ARHGAP15: variants seen among roughly 807,000 people sequenced by gnomAD.
ARHGAP15 encodes the protein rho GTPase-activating protein 15.
Under a neutral mutation model 63.7 loss-of-function variants are expected in ARHGAP15, and 51 were observed. The observed-to-expected ratio is 0.80, with a 90% confidence interval of 0.64 to 1.01. The LOEUF (loss-of-function observed/expected upper bound fraction) is 1.01. ARHGAP15 is among the 50% of genes least tolerant of loss of function. The pLI, the probability that ARHGAP15 is intolerant of heterozygous loss-of-function variation, is 0.00. For synonymous variants in ARHGAP15, 191 were observed against 193.8 expected (o/e 0.99, Z 0.12); for missense variants, 560 against 564.6 (o/e 0.99, Z 0.08).
At chr2:143,625,629 A>G (rs566135288) in intron 12 of ARHGAP15, among the ~76,000 whole-genome samples, 2 of 152,246 alleles carry the variant, frequency 1.3e-5, no homozygotes, top group Admixed American at 1.3e-4. Flanking sequence ...TGCTTTCCTA[A>G]CTTCATTTGA....
At chr2:143,712,494 G>A (rs1684625591) in intron 13 of ARHGAP15, among the ~76,000 whole-genome samples, 1 of 152,122 alleles carries the variant, frequency 6.6e-6, no homozygotes, top group South Asian at 2.1e-4. Flanking sequence ...AATGGGGTAA[G>A]GTCATGAATG....
At chr2:143,761,893 T>TC (rs1686772989) in intron 13 of ARHGAP15, among the ~76,000 whole-genome samples, 2 of 152,310 alleles carry the variant, frequency 1.3e-5, no homozygotes, top group South Asian at 4.1e-4. Context: ...CAGCTCCTGT[T>TC]AGAAAACTGA....
chr2:143,469,751 A>T (rs1691425791), intron 8 of ARHGAP15, among the ~76,000 whole-genome samples: 1 of 152,360 alleles, frequency 6.6e-6, no homozygotes, highest in Non-Finnish European at 1.5e-5. Context: ...CCATGGGGAA[A>T]TGATAATACT....
chr2:143,437,293 T>G, intron 8 of ARHGAP15: 1 of 389,724 alleles, frequency 2.6e-6, no homozygotes. Flanking sequence ...TCTGAATCTC[T>G]GAGTAATAGC....
intron 12 of ARHGAP15, among the ~76,000 whole-genome samples, chr2:143,690,708 GA>G (rs1164145791): frequency 2.6e-5 from 4 of 151,594 alleles, no homozygotes; most frequent in African/African-American, 9.7e-5. Context: ...TTACATCATA[GA>G]AAAAAAAGTT....
At chr2:143,392,429 T>C (rs1192198478) in intron 6 of ARHGAP15, among the ~76,000 whole-genome samples, 1 of 152,212 alleles carries the variant, frequency 6.6e-6, no homozygotes, top group Non-Finnish European at 1.5e-5. Context: ...TGTCATCTAT[T>C]TTTTCAACAG....
intron 6 of ARHGAP15, among the ~76,000 whole-genome samples, chr2:143,355,209 A>G (rs959091626): frequency 1.3e-5 from 2 of 152,192 alleles, no homozygotes; most frequent in Non-Finnish European, 2.9e-5. Flanking sequence ...TTAGAATTGC[A>G]ATTCCATACA....
chr2:143,750,175 C>T (rs976256751), intron 13 of ARHGAP15, among the ~76,000 whole-genome samples: 2 of 152,214 alleles, frequency 1.3e-5, no homozygotes, highest in African/African-American at 4.8e-5. Flanking sequence ...CGTGGTGGCT[C>T]ACACCTATGA....
At chr2:143,369,026 T>G (rs534864017) in intron 6 of ARHGAP15, among the ~76,000 whole-genome samples, 9 of 152,214 alleles carry the variant, frequency 5.9e-5, no homozygotes, top group African/African-American at 2.2e-4. Context: ...AGTGACACAT[T>G]CAGACTTCCC....
At chr2:143,494,628 G>C (rs1404287613) in intron 9 of ARHGAP15, among the ~76,000 whole-genome samples, 1 of 151,450 alleles carries the variant, frequency 6.6e-6, no homozygotes, top group Non-Finnish European at 1.5e-5. Context: ...TCCTTTATTT[G>C]ATTCATTCTA....
chr2:143,749,154 T>C (rs1247865074), intron 13 of ARHGAP15, among the ~76,000 whole-genome samples: 1 of 152,104 alleles, frequency 6.6e-6, no homozygotes, highest in Non-Finnish European at 1.5e-5. Flanking sequence ...AGTCTGGAAA[T>C]GTAAAAAATA....
At chr2:143,457,556 T>G (rs919750257) in intron 8 of ARHGAP15, among the ~76,000 whole-genome samples, 1 of 150,730 alleles carries the variant, frequency 6.6e-6, no homozygotes, top group African/African-American at 2.4e-5. Flanking sequence ...ATATTTATGA[T>G]GTAAAACTAT....
At chr2:143,329,497 G>A (rs964810507) in intron 6 of ARHGAP15, among the ~76,000 whole-genome samples, 4 of 148,226 alleles carry the variant, frequency 2.7e-5, no homozygotes, top group Non-Finnish European at 6.1e-5. Flanking sequence ...GCTTGAAAGA[G>A]GACCCCAAAG....
intron 12 of ARHGAP15, among the ~76,000 whole-genome samples, chr2:143,660,789 G>C (rs997668214): frequency 6.6e-6 from 1 of 152,222 alleles, no homozygotes; most frequent in African/African-American, 2.4e-5. Flanking sequence ...AAACAACAAA[G>C]AGAGTTTGTG....
intron 6 of ARHGAP15, among the ~76,000 whole-genome samples, chr2:143,343,837 T>A (rs1043852523): frequency 2.6e-5 from 4 of 152,122 alleles, no homozygotes; most frequent in Non-Finnish European, 5.9e-5. Flanking sequence ...GTTACTCCTA[T>A]TAATAATCTC....
intron 5 of ARHGAP15, among the ~76,000 whole-genome samples, chr2:143,248,089 A>G (rs1372604337): frequency 6.6e-6 from 1 of 152,230 alleles, no homozygotes; most frequent in Non-Finnish European, 1.5e-5. Context: ...GGAAACACAG[A>G]CAGTCAGCAT....
At chr2:143,330,111 AAAAAAAAAAAAAAAAAAAAACCAAAAAC>A (rs1335036330) in intron 6 of ARHGAP15, among the ~76,000 whole-genome samples, 22 of 85,976 alleles carry the variant, frequency 2.6e-4, no homozygotes, top group Admixed American at 4.4e-4. Flanking sequence ...AAAAAAAAAA[AAAAAAAAAAAAAAAAAAAAACCAAAAAC>A]AAAAAACTAA....
intron 6 of ARHGAP15, among the ~76,000 whole-genome samples, chr2:143,409,300 G>T (rs1244850200): frequency 1.3e-5 from 2 of 151,564 alleles, no homozygotes; most frequent in African/African-American, 4.8e-5. Context: ...GAGGCAAATG[G>T]TGCTATTTTT....
At chr2:143,277,229 G>T (rs535229216) in intron 6 of ARHGAP15, among the ~76,000 whole-genome samples, 7 of 151,806 alleles carry the variant, frequency 4.6e-5, no homozygotes, top group Non-Finnish European at 1.0e-4. Context: ...AAATAAAGTC[G>T]TTTATTTTTC....
Sources: gnomAD v4.1 joint callset for allele counts (sites outside exome capture counted in the v4.1 genomes callset) on GRCh38, gnomAD v4.1.1 for gene constraint, MANE v1.5 for transcripts, NCBI Gene and HGNC (gene_info 2026-07-23, HGNC 2026-07-21) for gene names.